EXOG: variants seen among roughly 807,000 people sequenced by gnomAD.
EXOG encodes the protein nuclease EXOG, mitochondrial.
In EXOG, 27 loss-of-function variants were observed where a neutral mutation model predicts 25.8. The ratio of observed to expected loss-of-function variants is 1.05; its 90% CI spans 0.77 to 1.45. The LOEUF is 1.45. Among genes scored for constraint, EXOG ranks in the 40% most tolerant of loss-of-function variants. The probability of loss-of-function intolerance (pLI) is 0.00; values close to 1 mark genes in which losing one functional copy is unlikely to be tolerated. For missense variants in EXOG, 458 were observed against 450.5 expected, an observed-to-expected ratio of 1.02 and a Z score of -0.15; for synonymous variants, 133 against 167.0, an observed-to-expected ratio of 0.80 and a Z score of 1.57.
intron 5 of EXOG, among the ~76,000 whole-genome samples, chr3:38,510,191 G>A (rs1279796207): frequency 6.6e-6 from 1 of 152,124 alleles, no homozygotes; most frequent in East Asian, 1.9e-4. Context: ...CTGTGAAACA[G>A]CTGACTTCTA....
chr3:38,509,089 G>GA (rs917848492), intron 5 of EXOG, among the ~76,000 whole-genome samples: 1 of 151,894 alleles, frequency 6.6e-6, no homozygotes, highest in African/African-American at 2.4e-5. Flanking sequence ...AGTCTTAGGA[G>GA]AAAAAAAGGC....
chr3:38,508,271 AAG>A (rs529726531), intron 5 of EXOG, among the ~76,000 whole-genome samples: 6 of 152,172 alleles, frequency 3.9e-5, no homozygotes, highest in African/African-American at 1.2e-4. Context: ...TATAGACTGA[AAG>A]AGAGATTAAA....
At chr3:38,521,940 G>C (rs1010055914) in intron 5 of EXOG, among the ~76,000 whole-genome samples, 5 of 152,202 alleles carry the variant, frequency 3.3e-5, no homozygotes, top group Non-Finnish European at 7.3e-5. Context: ...TTGGTTATTT[G>C]TGAGTTAATT....
rs1485454625 is a variant in EXOG, at chr3:38,498,693, A to C, written c.313+915A>C. 5 of 285,590 alleles carry C rather than the reference A, an allele frequency of 1.8e-5. No individual in the cohort carries two copies. The East Asian group carries it at 4.3e-4, about 25-fold the overall frequency. 17.7% of individuals were successfully genotyped at this position (285,590 alleles called of 1,614,324 possible). On this transcript the variant is annotated intron_variant, in intron 2 of 5. Transcript: ENST00000287675. The stretch of plus-strand genomic sequence containing the variant: ...TTGAATGTGCCATGGGATATGGAGA[A>C]GAGCATTCTAGGAAGAAAGGAACAT...
At chr3:38,508,825 G>A (rs2060284103) in intron 5 of EXOG, among the ~76,000 whole-genome samples, 3 of 151,190 alleles carry the variant, frequency 2.0e-5, no homozygotes, top group Admixed American at 2.0e-4. Context: ...CCAAGGATTT[G>A]TATAGGTCCA....
chr3:38,514,775 CT>C (rs2060484158), intron 5 of EXOG, among the ~76,000 whole-genome samples: 13 of 103,106 alleles, frequency 1.3e-4, no homozygotes, highest in African/African-American at 5.2e-4. Context: ...CCCCCTCCCC[CT>C]GCTTTTTTTT....
At chr3:38,513,556 A>AATATGTTTT (rs1553685825) in intron 5 of EXOG, among the ~76,000 whole-genome samples, 2,124 of 152,034 alleles carry the variant, frequency 0.014, 50 homozygotes, top group African/African-American at 0.047. Flanking sequence ...CTTTTTAAAA[A>AATATGTTTT]TACTTTCTAA....
chr3:38,499,662 T>A (rs762490232), intron 2 of EXOG: 1 of 453,794 alleles, frequency 2.2e-6, no homozygotes, highest in South Asian at 1.6e-5. Flanking sequence ...TTGAGATGGA[T>A]TTTTGCTATG....
Position 38,524,538 on chromosome 3 carries a change from C to T in EXOG, c.*176C>T, listed in dbSNP as rs1221978556. 2.3e-6 allele frequency: 3 copies of T among 1,307,660 alleles called. No homozygotes were observed. Among genetic ancestry groups the T allele is most frequent in the African/African-American group, 1.5e-5 (1 of 66,758 alleles). The allele number at this position is 1,307,660 out of a possible 1,614,324, so 81.0% of individuals were successfully genotyped here. On this transcript the variant is annotated 3_prime_UTR_variant, in exon 6 of 6. Transcript: ENST00000287675. ...TGGTGGAATCATAGCTCACTATAGC[C>T]TCAAACTTCTGGGCTTAAGCAATCC... is the stretch of plus-strand genomic sequence containing the variant.
At chr3:38,501,128 T>G in intron 2 of EXOG, 1 of 376,602 alleles carries the variant, frequency 2.7e-6, no homozygotes, top group Non-Finnish European at 4.7e-6. Context: ...AGAGTCAAAA[T>G]TATATGAGAT....
Position 38,525,527 on chromosome 3 carries a change from T to G in EXOG, c.*1165T>G. On this transcript the variant is annotated 3_prime_UTR_variant, in exon 6 of 6. Transcript: ENST00000287675. ...TTGGGAATTAGACGGCAATACTTTG[T>G]GGGGTTTATTAGAGCCCATGCTTGC... 1 of 985,438 alleles carries G rather than the reference T, an allele frequency of 1.0e-6. No individual in the cohort carries two copies. Among genetic ancestry groups the G allele is most frequent in the Non-Finnish European group, 1.2e-6 (1 of 829,918 alleles). 61.0% of individuals were successfully genotyped at this position (985,438 alleles called of 1,614,324 possible).
chr3:38,503,605 T>C lies in EXOG; in HGVS notation c.454-10T>C. On this transcript the variant is annotated splice_polypyrimidine_tract_variant and intron_variant, in intron 3 of 5. Coordinates refer to ENST00000287675, the MANE Select transcript of EXOG (RefSeq NM_005107.4). ...TTTCAGTGCAAGTTACTATGTTTCT[T>C]TCTTTACAGAAAGCCATGGCTGAAA... 1 of 1,537,964 alleles carries C rather than the reference T, an allele frequency of 6.5e-7. No individual in the cohort carries two copies. The highest frequency in any genetic ancestry group is 1.1e-5 in the South Asian group (1 of 88,624).
intron 5 of EXOG, chr3:38,523,403 G>A (rs2060782096): frequency 1.9e-5 from 16 of 850,584 alleles, no homozygotes; most frequent in South Asian, 5.4e-5. Flanking sequence ...TTGCTCTGTC[G>A]GCCAGGCTGG....
intron 4 of EXOG, chr3:38,505,476 A>G (rs1575624158): frequency 6.6e-6 from 1 of 152,230 alleles, no homozygotes; most frequent in East Asian, 1.9e-4. Context: ...ATTTAAAAAA[A>G]TTTTTAAGGC....
intron 4 of EXOG, among the ~76,000 whole-genome samples, chr3:38,505,825 G>T (rs1320628105): frequency 6.6e-6 from 1 of 151,978 alleles, no homozygotes; most frequent in Non-Finnish European, 1.5e-5. Context: ...AATTAGCCGA[G>T]TGTGGTGGCA....
chr3:38,498,018 C>A, intron 2 of EXOG: 1 of 443,898 alleles, frequency 2.3e-6, no homozygotes, highest in Non-Finnish European at 3.9e-6. Context: ...GAGGCTCTGT[C>A]ATAAATATTA....
intron 5 of EXOG, chr3:38,523,331 G>T (rs971004200): frequency 1.7e-4 from 218 of 1,254,954 alleles, no homozygotes; most frequent in Non-Finnish European, 2.2e-4. Flanking sequence ...AAACAGAACA[G>T]AGACTGTGAC....
At chr3:38,516,190 A>G (rs1418837390) in intron 5 of EXOG, among the ~76,000 whole-genome samples, 1 of 151,978 alleles carries the variant, frequency 6.6e-6, no homozygotes, top group Non-Finnish European at 1.5e-5. Context: ...GAATATATAT[A>G]TGGATATCCA....
At chr3:38,506,426 CT>C (rs1187358165) in intron 4 of EXOG, among the ~76,000 whole-genome samples, 1 of 151,988 alleles carries the variant, frequency 6.6e-6, no homozygotes, top group Non-Finnish European at 1.5e-5. Context: ...GAAATTTATC[CT>C]AAGGAATTGA....
Sources: gnomAD v4.1 joint callset for allele counts (sites outside exome capture counted in the v4.1 genomes callset) on GRCh38, gnomAD v4.1.1 for gene constraint, MANE v1.5 for transcripts, NCBI Gene and HGNC (gene_info 2026-07-23, HGNC 2026-07-21) for gene names.